Variants in BICDL1 observed in about 807,000 individuals in gnomAD.
BICDL1 encodes the protein BICD family-like cargo adapter 1.
In BICDL1, 20 loss-of-function variants were observed where a neutral mutation model predicts 76.8. The observed-to-expected ratio is 0.26, with a 90% confidence interval of 0.18 to 0.38. The LOEUF (loss-of-function observed/expected upper bound fraction) is 0.38. BICDL1 is among the 10% of genes least tolerant of loss of function. The pLI, the probability that BICDL1 is intolerant of heterozygous loss-of-function variation, is 1.00. For synonymous variants in BICDL1, 383 were observed against 337.1 expected, an observed-to-expected ratio of 1.14 and a Z score of -1.49; for missense variants, 700 against 798.6, an observed-to-expected ratio of 0.88 and a Z score of 1.49.
At chr12:120,030,510 T>C (rs1287236071) in intron 2 of BICDL1, among the ~76,000 whole-genome samples, 1 of 152,200 alleles carries the variant, frequency 6.6e-6, no homozygotes, top group Non-Finnish European at 1.5e-5. Context: ...CAAAAAAATG[T>C]GCATTTCCGT....
intron 2 of BICDL1, among the ~76,000 whole-genome samples, chr12:120,023,994 C>G (rs1256655903): frequency 6.6e-6 from 1 of 151,446 alleles, no homozygotes; most frequent in Non-Finnish European, 1.5e-5. Flanking sequence ...AAACACAGAC[C>G]TAAGGCTGGG....
chr12:120,078,757 T>C (rs1873755564), intron 7 of BICDL1, among the ~76,000 whole-genome samples: 1 of 152,256 alleles, frequency 6.6e-6, no homozygotes. Context: ...AAAGTTCTTC[T>C]GAAGTTTCAT....
intron 8 of BICDL1, among the ~76,000 whole-genome samples, chr12:120,082,700 A>G (rs1005685755): frequency 2.0e-5 from 3 of 151,800 alleles, no homozygotes; most frequent in Non-Finnish European, 2.9e-5. Context: ...TTCCCTCCTC[A>G]GCCTCCCAAG....
intron 1 of BICDL1, among the ~76,000 whole-genome samples, chr12:119,990,634 G>A (rs1951501561): frequency 6.6e-6 from 1 of 152,210 alleles, no homozygotes; most frequent in South Asian, 2.1e-4. Flanking sequence ...AAGTCGGGAA[G>A]CATTTAAAAT....
chr12:120,013,279 A>C (rs1309940671), intron 2 of BICDL1, among the ~76,000 whole-genome samples: 1 of 147,070 alleles, frequency 6.8e-6, no homozygotes, highest in Non-Finnish European at 1.5e-5. Context: ...ACACCTCTTC[A>C]CTCCAGCCTG....
Position 120,078,314 on chromosome 12 carries a change from G to A in BICDL1, c.1453-2573G>A, listed in dbSNP as rs563877585. Reference sequence around the variant, plus strand: ...GTCCTCTCCTAAAGCAGCTAGTACAGTGCCTTGCTGAGAATAAGCACTCAA... The same window carrying A: ...GTCCTCTCCTAAAGCAGCTAGTACAATGCCTTGCTGAGAATAAGCACTCAA... On this transcript the variant is annotated intron_variant, in intron 7 of 9. Transcript: ENST00000548673. 4.6e-5 allele frequency among the ~76,000 whole-genome samples: 7 copies of A among 152,352 alleles called. No homozygotes were observed. The South Asian group carries it at 1.4e-3, about 32-fold the overall frequency.
At chr12:120,048,658 CTG>C (rs1046481978) in intron 2 of BICDL1, among the ~76,000 whole-genome samples, 16 of 152,176 alleles carry the variant, frequency 1.1e-4, no homozygotes, top group Admixed American at 3.9e-4. Context: ...GTTTCCTCAT[CTG>C]TGTAATGAAG....
At chr12:120,016,822 A>G (rs1490345258) in intron 2 of BICDL1, among the ~76,000 whole-genome samples, 1 of 148,242 alleles carries the variant, frequency 6.7e-6, no homozygotes, top group Non-Finnish European at 1.5e-5. Flanking sequence ...TCTCCACAAG[A>G]GGACTCCTTT....
At chr12:120,020,640 C>A in intron 2 of BICDL1, among the ~76,000 whole-genome samples, 1 of 152,014 alleles carries the variant, frequency 6.6e-6, no homozygotes, top group South Asian at 2.1e-4. Context: ...CATTCCAACT[C>A]CTAATAAAAT....
chr12:120,050,499 C>A (rs1306576608), intron 2 of BICDL1, among the ~76,000 whole-genome samples: 1 of 151,992 alleles, frequency 6.6e-6, no homozygotes, highest in Non-Finnish European at 1.5e-5. Context: ...GATCTCCTGA[C>A]CTCGTGATCC....
At chr12:120,037,904 G>A (rs540070929) in intron 2 of BICDL1, among the ~76,000 whole-genome samples, 1 of 152,264 alleles carries the variant, frequency 6.6e-6, no homozygotes, top group South Asian at 2.1e-4. Context: ...ATTTCCACAA[G>A]CCAATTCACT....
chr12:120,030,728 T>C (rs538135670), intron 2 of BICDL1, among the ~76,000 whole-genome samples: 47 of 152,356 alleles, frequency 3.1e-4, no homozygotes, highest in African/African-American at 1.0e-3. Context: ...AATGAGTGTT[T>C]CTTTTATAGA....
At chr12:119,994,550 C>T (rs1461610833) in intron 1 of BICDL1, among the ~76,000 whole-genome samples, 2 of 151,942 alleles carry the variant, frequency 1.3e-5, no homozygotes, top group Non-Finnish European at 2.9e-5. Context: ...AGTGCAGTGG[C>T]GCCATCTTGG....
At chr12:119,994,104 C>T (rs1951585865) in intron 1 of BICDL1, among the ~76,000 whole-genome samples, 1 of 152,148 alleles carries the variant, frequency 6.6e-6, no homozygotes, top group Admixed American at 6.5e-5. Flanking sequence ...ACAGTATCTC[C>T]CTTTTTTCCA....
intron 2 of BICDL1, among the ~76,000 whole-genome samples, chr12:120,040,735 C>T (rs187263382): frequency 7.4e-5 from 11 of 147,922 alleles, no homozygotes; most frequent in Non-Finnish European, 1.5e-4. Flanking sequence ...CATGTTGGAA[C>T]ATTTAATAGG....
Position 120,071,048 on chromosome 12 carries a change from T to C in BICDL1, c.910-574T>C, listed in dbSNP as rs1409649358. On this transcript the variant is annotated intron_variant, in intron 4 of 9. Transcript: ENST00000548673. This position sits in a 1 kb window ranked among gnomAD's most constrained non-coding sequence, Gnocchi z 4.8. ...CCCGGCCTGGTTGGTATAACTCAAG[T>C]CTTTTTTTATTTCTGTGTTCCTCCT... Among the ~76,000 whole-genome samples the C allele has an allele frequency of 6.6e-6, 1 of 151,156 alleles. No individual in the cohort carries two copies. Among genetic ancestry groups the C allele is most frequent in the Non-Finnish European group, 1.5e-5 (1 of 67,798 alleles).
chr12:120,060,804 T>C (rs1035321603), intron 2 of BICDL1, among the ~76,000 whole-genome samples: 6 of 152,216 alleles, frequency 3.9e-5, no homozygotes, highest in Admixed American at 3.9e-4. Flanking sequence ...AGAGCCTCAT[T>C]GAACAGCTAG....
chr12:120,084,309 T>C (rs1187411137), intron 8 of BICDL1, among the ~76,000 whole-genome samples: 1 of 152,152 alleles, frequency 6.6e-6, no homozygotes, highest in Non-Finnish European at 1.5e-5. Context: ...GCCAACACTT[T>C]TATTCTTTAA....
intron 2 of BICDL1, among the ~76,000 whole-genome samples, chr12:120,039,658 A>G (rs902535168): frequency 2.2e-4 from 33 of 151,256 alleles, no homozygotes; most frequent in African/African-American, 7.8e-4. Flanking sequence ...AAAAAAAAAA[A>G]AAGAAAAGGC....
Sources: allele counts gnomAD v4.1 joint callset (sites outside exome capture counted in the v4.1 genomes callset), GRCh38; gene constraint gnomAD v4.1.1; non-coding constraint Gnocchi (gnomAD v3.1); transcripts MANE v1.5; gene names NCBI Gene and HGNC (gene_info 2026-07-23, HGNC 2026-07-21).